SLC25A48: variants seen among roughly 807,000 people sequenced by gnomAD.
The protein encoded by SLC25A48 is CTC-321K16.1.
In SLC25A48, 29 loss-of-function variants were observed where a neutral mutation model predicts 32.2. That is an observed-to-expected ratio of 0.90 (90% confidence interval 0.67 to 1.23). SLC25A48 has a LOEUF of 1.23. Among genes scored for constraint, SLC25A48 ranks in the 50% most tolerant of loss-of-function variants. SLC25A48 has a pLI of 0.00. For synonymous variants in SLC25A48, 164 were observed against 172.3 expected (o/e 0.95, Z 0.38); for missense variants, 399 against 422.7 (o/e 0.94, Z 0.49).
chr5:135,639,918 A>C (rs1752793729), intron 3 of SLC25A48, among the ~76,000 whole-genome samples: 1 of 152,258 alleles, frequency 6.6e-6, no homozygotes, highest in African/African-American at 2.4e-5. Context: ...AGACATACTA[A>C]GAAGCAGTAA....
upstream of SLC25A48, among the ~76,000 whole-genome samples, chr5:135,833,692 G>C (rs1469604445): frequency 6.6e-6 from 1 of 152,202 alleles, no homozygotes; most frequent in Non-Finnish European, 1.5e-5. Context: ...TCCCGATACA[G>C]GTCCACTCTC....
At chr5:135,595,886 G>A (rs1223192838) in intron 1 of SLC25A48, among the ~76,000 whole-genome samples, 1 of 152,184 alleles carries the variant, frequency 6.6e-6, no homozygotes, top group Non-Finnish European at 1.5e-5. Context: ...ACACGCATCA[G>A]TATAAGGCCC....
intron 3 of SLC25A48, among the ~76,000 whole-genome samples, chr5:135,648,260 G>A (rs963725450): frequency 2.0e-5 from 3 of 152,056 alleles, no homozygotes; most frequent in African/African-American, 4.8e-5. Context: ...TGACAGTTTC[G>A]GGTCCTAGGC....
At chr5:135,631,797 C>T (rs1481849741) in intron 2 of SLC25A48, among the ~76,000 whole-genome samples, 1 of 152,188 alleles carries the variant, frequency 6.6e-6, no homozygotes, top group African/African-American at 2.4e-5. Context: ...GCAATTTATC[C>T]CTATACGGAG....
intron 3 of SLC25A48, among the ~76,000 whole-genome samples, chr5:135,660,637 T>C (rs1753374339): frequency 6.6e-6 from 1 of 152,200 alleles, no homozygotes; most frequent in Admixed American, 6.5e-5. Flanking sequence ...CTCAGGTTTT[T>C]TTTGTATAGG....
At chr5:135,730,660 G>T (rs771189588) in intron 3 of SLC25A48, among the ~76,000 whole-genome samples, 4 of 152,214 alleles carry the variant, frequency 2.6e-5, no homozygotes, top group Non-Finnish European at 5.9e-5. Context: ...GCAGAGGTTG[G>T]AGTAGTTTGG....
chr5:135,742,946 G>A (rs1327715131), intron 3 of SLC25A48, among the ~76,000 whole-genome samples: 44 of 20,476 alleles, frequency 2.1e-3, no homozygotes, highest in African/African-American at 9.5e-3. Context: ...ATTTAGAAAT[G>A]TCTGGAGACC....
intron 1 of SLC25A48, among the ~76,000 whole-genome samples, chr5:135,600,400 G>C (rs1751766643): frequency 6.6e-6 from 1 of 152,134 alleles, no homozygotes; most frequent in Non-Finnish European, 1.5e-5. Flanking sequence ...GTCCTTTGAG[G>C]GGGTGTACCC....
intron 6 of SLC25A48, chr5:135,874,611 C>T (rs1401693467): frequency 1.5e-6 from 1 of 675,272 alleles, no homozygotes; most frequent in African/African-American, 1.8e-5. Flanking sequence ...TGTGAACTGC[C>T]TTCTGCTCTC....
intron 3 of SLC25A48, among the ~76,000 whole-genome samples, chr5:135,684,124 A>G (rs1373834422): frequency 6.6e-6 from 1 of 152,160 alleles, no homozygotes; most frequent in Non-Finnish European, 1.5e-5. Context: ...CATGATATAA[A>G]TTTCAAAAAC....
intron 1 of SLC25A48, among the ~76,000 whole-genome samples, chr5:135,615,537 A>T (rs1039271824): frequency 6.6e-6 from 1 of 152,210 alleles, no homozygotes; most frequent in African/African-American, 2.4e-5. Flanking sequence ...TACTTCTAAT[A>T]CCATATGCTC....
intron 3 of SLC25A48, among the ~76,000 whole-genome samples, chr5:135,689,237 A>G (rs1754088717): frequency 6.6e-6 from 1 of 152,168 alleles, no homozygotes; most frequent in Non-Finnish European, 1.5e-5. Context: ...TCTGTTTCAT[A>G]GGGAGGCCTC....
At chr5:135,764,537 T>G (rs1462338980) in intron 3 of SLC25A48, among the ~76,000 whole-genome samples, 1 of 151,644 alleles carries the variant, frequency 6.6e-6, no homozygotes, top group Non-Finnish European at 1.5e-5. Flanking sequence ...ACGGGGAGTG[T>G]GATATTGTTC....
intron 1 of SLC25A48, among the ~76,000 whole-genome samples, chr5:135,594,083 G>A (rs1364158712): frequency 2.0e-5 from 3 of 152,198 alleles, no homozygotes; most frequent in Non-Finnish European, 4.4e-5. Flanking sequence ...AAGAACACAA[G>A]GCTTAGTCAG....
At chr5:135,880,639 A>G (rs947626551) in intron 7 of SLC25A48, among the ~76,000 whole-genome samples, 2 of 152,172 alleles carry the variant, frequency 1.3e-5, no homozygotes, top group Admixed American at 6.5e-5. Context: ...TCTTCTAAAG[A>G]CAGCAGTCTG....
At chr5:135,588,510 C>T (rs1222337862) in intron 1 of SLC25A48, among the ~76,000 whole-genome samples, 1 of 152,202 alleles carries the variant, frequency 6.6e-6, no homozygotes, top group Non-Finnish European at 1.5e-5. Context: ...GTCTGCAGGC[C>T]AGAGAGGCCC....
intron 1 of SLC25A48, among the ~76,000 whole-genome samples, chr5:135,599,433 T>C (rs1020450660): frequency 9.2e-5 from 14 of 152,224 alleles, no homozygotes; most frequent in Non-Finnish European, 1.9e-4. Context: ...GTAATCAGGT[T>C]ACCCATTGTT....
intron 3 of SLC25A48, among the ~76,000 whole-genome samples, chr5:135,691,197 A>G (rs1047707091): frequency 2.6e-5 from 4 of 152,330 alleles, no homozygotes; most frequent in Admixed American, 6.5e-5. Context: ...AAAGGCAATT[A>G]AGCACTCCCA....
chr5:135,696,838 T>C (rs1754277954), intron 3 of SLC25A48, among the ~76,000 whole-genome samples: 1 of 152,082 alleles, frequency 6.6e-6, no homozygotes, highest in Admixed American at 6.6e-5. Context: ...CTATGCCCAG[T>C]GCAGCCACAG....
Sources: allele counts gnomAD v4.1 joint callset (sites outside exome capture counted in the v4.1 genomes callset), GRCh38; gene constraint gnomAD v4.1.1; transcripts MANE v1.5; gene names NCBI Gene and HGNC (gene_info 2026-07-23, HGNC 2026-07-21).